ZZEF1: variants seen among roughly 807,000 people sequenced by gnomAD.
ZZEF1 encodes zinc finger ZZ-type and EF-hand domain-containing protein 1.
A neutral mutation model predicts 342.8 loss-of-function variants in ZZEF1; 157 were observed. The ratio of observed to expected loss-of-function variants is 0.46; its 90% confidence interval spans 0.40 to 0.52. The LOEUF is 0.52. Ranked by LOEUF, ZZEF1 falls within the 20% of genes least tolerant of loss-of-function variation. The pLI is 0.00. For synonymous variants in ZZEF1, 1,505 were observed against 1,429.1 expected (o/e 1.05, Z -1.20); for missense variants, 3,480 against 3,725.6 (o/e 0.93, Z 1.72).
intron 6 of ZZEF1, 85 bp from the exon 7 acceptor site, chr17:4,105,894 C>T (rs765497670): frequency 1.0e-4 from 111 of 1,071,474 alleles, no homozygotes; most frequent in Middle Eastern, 2.1e-4. Context: ...CTTGTTTTGA[C>T]TAATCCCTTA....
At position 4,064,638 on chromosome 17, in the gene ZZEF1, G is replaced by A. The variant is rs764513225; in HGVS notation, c.4441C>T (p.Pro1481Ser). Reference sequence around the variant, plus strand: ...GGACTCTGGTCTCCTGTGGCAGGGGGTGCGGCTTCAGTGGGAGATACTGAG... The same window carrying A: ...GGACTCTGGTCTCCTGTGGCAGGGGATGCGGCTTCAGTGGGAGATACTGAG... Reference protein sequence around the residue: ...QASVSPTEAAPPATGDQSPGL... With the variant: ...QASVSPTEAASPATGDQSPGL... Residue 1481 changes from proline to serine, a missense_variant, in exon 29 of 55, where the codon CCC (proline) becomes TCC (serine). Transcript: ENST00000381638. 3 of 1,614,196 alleles carry A rather than the reference G, an allele frequency of 1.9e-6. No individual in the cohort carries two copies. The highest frequency in any genetic ancestry group is 2.5e-6 in the Non-Finnish European group (3 of 1,180,036).
At chr17:4,054,748 G>A (rs74609076) in intron 33 of ZZEF1, among the ~76,000 whole-genome samples, 2 of 152,114 alleles carry the variant, frequency 1.3e-5, no homozygotes, top group East Asian at 1.9e-4. Flanking sequence ...TAATGTGATC[G>A]GACTGGAGTG....
rs201545882 is a variant in ZZEF1, at chr17:4,013,465, G to C, written c.8563C>G (p.Arg2855Gly). Residue 2855 changes from arginine (R) to glycine (G), a missense_variant, in exon 52 of 55, where the codon CGA (arginine) becomes GGA (glycine). By Grantham distance (125) the Arg-to-Gly change is moderately radical. This residue lies in a region of ZZEF1 where 1,269 missense variants were observed against 1,342.4 expected (regional missense o/e 0.95). Transcript: ENST00000381638. ...ACCGCTTACCTGTGGCCGCAGCATC[G>C]CACAATCCTCAGAAGTAAGTGGATG... The part of the protein sequence containing the change: ...KAIHLLLRIV[R>G]CCGHSDLCDL... 2 of 1,610,292 alleles carry C rather than the reference G, an allele frequency of 1.2e-6. No individual in the cohort carries two copies. Among genetic ancestry groups the C allele is most frequent in the African/African-American group, 1.3e-5 (1 of 74,740 alleles).
intron 4 of ZZEF1, among the ~76,000 whole-genome samples, chr17:4,113,920 G>A (rs2058353955): frequency 6.6e-6 from 1 of 151,898 alleles, no homozygotes; most frequent in Non-Finnish European, 1.5e-5. Flanking sequence ...AGTGAGCTAT[G>A]GCTGCACCAC....
At chr17:4,052,461 G>A (rs984329488) in intron 34 of ZZEF1, among the ~76,000 whole-genome samples, 1 of 152,190 alleles carries the variant, frequency 6.6e-6, no homozygotes, top group Non-Finnish European at 1.5e-5. Context: ...AGCTTCTGTT[G>A]ATGTATTCCT....
chr17:4,034,317 G>T, intron 39 of ZZEF1, 25 bp from the exon 40 acceptor site: 1 of 1,611,736 alleles, frequency 6.2e-7, no homozygotes, highest in South Asian at 1.1e-5. Context: ...AGAGAAATCT[G>T]TTCAGTACAA....
At chr17:4,007,569 C>T (rs149968641) in intron 54 of ZZEF1, among the ~76,000 whole-genome samples, 1 of 152,236 alleles carries the variant, frequency 6.6e-6, no homozygotes, top group East Asian at 1.9e-4. Flanking sequence ...CAAGAGGGAC[C>T]CGCCCACAGG....
chr17:4,104,854 A>T (rs2058184784), intron 7 of ZZEF1, 43 bp from the exon 8 acceptor site: 1 of 1,583,118 alleles, frequency 6.3e-7, no homozygotes, highest in Non-Finnish European at 8.6e-7. Flanking sequence ...TAAAAACATG[A>T]AAAAATCCAG....
At position 4,032,216 on chromosome 17, in the gene ZZEF1, T is replaced by C; in HGVS notation, c.6802A>G (p.Asn2268Asp). The change falls in exon 42 of 55, where the codon AAT (asparagine) becomes GAT (aspartate). Residue 2268 changes from asparagine (N) to aspartate (D), a missense_variant. By Grantham distance (23) the Asn-to-Asp change is conservative. Around this residue, in one of 5 missense-constraint regions of ZZEF1, gnomAD observed 1,269 missense variants for 1,342.4 expected, o/e 0.95. Coordinates refer to ENST00000381638, the MANE Select transcript of ZZEF1 (RefSeq NM_015113.4). Reference protein sequence around the residue: ...GTRCVYMDNANEPHNVIILKH... With the variant: ...GTRCVYMDNADEPHNVIILKH... ...AAGATGATCACATTATGGGGTTCATTGGCATTATCCATATAAACGCAGCGG... is the reference window on the plus strand; with the variant it reads ...AAGATGATCACATTATGGGGTTCATCGGCATTATCCATATAAACGCAGCGG... 6.2e-7 allele frequency: 1 copy of C among 1,614,088 alleles called. No individual in the cohort carries two copies. The highest frequency in any genetic ancestry group is 8.5e-7 in the Non-Finnish European group (1 of 1,179,986).
chr17:4,046,964 C>A (rs934568236), intron 37 of ZZEF1, among the ~76,000 whole-genome samples: 1 of 152,154 alleles, frequency 6.6e-6, no homozygotes, highest in African/African-American at 2.4e-5. Context: ...GTCCTAGGGG[C>A]CCCAATGGGA....
Position 4,076,930 on chromosome 17 carries a change from T to C in ZZEF1, c.3049A>G (p.Ser1017Gly), listed in dbSNP as rs771258376. 3.7e-6 allele frequency: 6 copies of C among 1,614,182 alleles called. No homozygotes were observed. The highest frequency in any genetic ancestry group is 1.3e-5 in the African/African-American group (1 of 75,056). ...AATCTTTCTACTATGGTTTTTCCAC[T>C]GTACTGTGAGAAAAGGGATTCCAAA... ...AILESLFSQY[S>G]GKTIVERLCN... is the part of the protein sequence containing the mutation. Residue 1017 changes from serine to glycine, a missense_variant, in exon 20 of 55, where the codon AGT becomes GGT. This residue lies in a region of ZZEF1 where 1,528 missense variants were observed against 1,624.1 expected (regional missense o/e 0.94). Coordinates refer to ENST00000381638, the MANE Select transcript of ZZEF1 (RefSeq NM_015113.4).
intron 52 of ZZEF1, among the ~76,000 whole-genome samples, chr17:4,012,023 G>A (rs541978621): frequency 6.6e-6 from 1 of 152,344 alleles, no homozygotes; most frequent in Admixed American, 6.5e-5. Flanking sequence ...AGTTCCCTCC[G>A]GGCTCGGGAC....
chr17:4,006,619 CTGGTCTCTGAA>C lies in ZZEF1; in HGVS notation c.*260_*270del, dbSNP rs1649395741. The C allele has an allele frequency of 4.1e-6, 2 of 489,522 alleles. No homozygotes were observed. The highest frequency in any genetic ancestry group is 4.2e-5 in the South Asian group (2 of 47,936). The allele number at this position is 489,522 out of a possible 1,614,324, so 30.3% of individuals were successfully genotyped here. On this transcript the variant is annotated 3_prime_UTR_variant, in exon 55 of 55. Transcript: ENST00000381638. ...CTGCAGTGACAGCCTCTGGAGAAGGCTGGTCTCTGAACCTTCTTAAGGGCCCCCTGCCCACC... is the reference window on the plus strand; with the variant it reads ...CTGCAGTGACAGCCTCTGGAGAAGGCCCTTCTTAAGGGCCCCCTGCCCACC...
chr17:4,032,759 A>C, intron 41 of ZZEF1, 69 bp downstream of exon 41: 4 of 1,528,070 alleles, frequency 2.6e-6, no homozygotes, highest in Non-Finnish European at 3.6e-6. Flanking sequence ...CGGAAGCCAC[A>C]GAGGCTTTGG....
At chr17:4,049,127 G>A in intron 37 of ZZEF1, among the ~76,000 whole-genome samples, 1 of 152,186 alleles carries the variant, frequency 6.6e-6, no homozygotes, top group East Asian at 1.9e-4. Flanking sequence ...CTAAGCACTT[G>A]ACATACAGTA....
At chr17:4,086,732 A>G in intron 14 of ZZEF1, 77 bp from the exon 15 acceptor site, 1 of 1,491,786 alleles carries the variant, frequency 6.7e-7, no homozygotes, top group Non-Finnish European at 9.2e-7. Flanking sequence ...GCTGTCTACA[A>G]AGGACTTTCC....
At chr17:4,024,613 C>T (rs1398748751) in intron 43 of ZZEF1, among the ~76,000 whole-genome samples, 1 of 152,168 alleles carries the variant, frequency 6.6e-6, no homozygotes, top group African/African-American at 2.4e-5. Flanking sequence ...TGATGAAGCA[C>T]AGGAATTGTC....
chr17:4,056,195 A>G (rs779411694), intron 33 of ZZEF1, 21 bp downstream of exon 33: 33 of 1,552,130 alleles, frequency 2.1e-5, no homozygotes, highest in Non-Finnish European at 2.8e-5. Flanking sequence ...ACTTCAGAGT[A>G]CTCTAGTTGA....
Position 4,070,848 on chromosome 17 carries a change from C to T in ZZEF1, c.3911G>A (p.Cys1304Tyr), listed in dbSNP as rs1272777169. Residue 1304 changes from cysteine to tyrosine, a missense_variant, in exon 26 of 55, where the codon TGT (cysteine) becomes TAT (tyrosine). By Grantham distance (194) the Cys-to-Tyr change is radical (BLOSUM62 -2). Transcript: ENST00000381638. ...TTTGAAAAGTTCTGAATATGGCCCA[C>T]AGAAGTTCTGAGCAGGCTCTGACTG... ...FAQSEPAQNF[C>Y]GPYSELFKGF... The T allele has an allele frequency of 6.2e-7, 1 of 1,613,952 alleles. No homozygotes were observed. Among genetic ancestry groups the T allele is most frequent in the Admixed American group, 1.7e-5 (1 of 59,988 alleles).
Sources: gnomAD v4.1 joint callset for allele counts (sites outside exome capture counted in the v4.1 genomes callset) on GRCh38, gnomAD v4.1.1 for gene constraint, gnomAD v4.1.1 regional missense constraint, MANE v1.5 for transcripts, NCBI Gene and HGNC (gene_info 2026-07-23, HGNC 2026-07-21) for gene names.